PCED1B: variants seen among roughly 807,000 people sequenced by gnomAD.
PCED1B encodes PC-esterase domain-containing protein 1B.
For synonymous variants in PCED1B, 251 were observed against 246.1 expected (o/e 1.02, Z -0.19); for missense variants, 573 against 573.9 (o/e 1.00, Z 0.02).
At chr12:47,130,767 G>A (rs1940091276) in intron 2 of PCED1B, among the ~76,000 whole-genome samples, 1 of 152,110 alleles carries the variant, frequency 6.6e-6, no homozygotes, top group Admixed American at 6.5e-5. Flanking sequence ...GAAAAGAAGT[G>A]TGTGGTCAGT....
chr12:47,136,849 A>G (rs942881711), intron 2 of PCED1B, among the ~76,000 whole-genome samples: 1 of 152,252 alleles, frequency 6.6e-6, no homozygotes, highest in Non-Finnish European at 1.5e-5. Context: ...GTTCAAGAGA[A>G]GCATGATATA....
At chr12:47,207,265 T>C (rs1703507139) in intron 2 of PCED1B, among the ~76,000 whole-genome samples, 1 of 152,242 alleles carries the variant, frequency 6.6e-6, no homozygotes. Flanking sequence ...AACATATTGC[T>C]AGAATAATAT....
intron 2 of PCED1B, among the ~76,000 whole-genome samples, chr12:47,124,889 G>C (rs934021454): frequency 1.3e-5 from 2 of 151,880 alleles, no homozygotes; most frequent in Admixed American, 6.6e-5. Flanking sequence ...AGAGTTGTGG[G>C]AGTTCTTTAT....
At position 47,225,095 on chromosome 12, in the gene PCED1B, C is replaced by G. The variant is rs565413087; in HGVS notation, c.-58+8406C>G. ...TACAGGCACGTGCCACCATGCCCAG[C>G]TGATTTTTGTATTTTTGGTACAGAC... On this transcript the variant is annotated intron_variant, in intron 3 of 3. Coordinates refer to ENST00000546455, the MANE Select transcript of PCED1B (RefSeq NM_138371.3). 2.0e-5 allele frequency among the ~76,000 whole-genome samples: 3 copies of G among 152,220 alleles called. No homozygotes were observed. The South Asian group carries it at 6.2e-4, about 32-fold the overall frequency.
chr12:47,222,797 A>G lies in PCED1B; in HGVS notation c.-58+6108A>G, dbSNP rs562486194. 4.1e-4 allele frequency among the ~76,000 whole-genome samples: 62 copies of G among 152,284 alleles called. 1 individual carries two copies. The highest frequency in any genetic ancestry group is 1.5e-3 in the African/African-American group (61 of 41,560). ...GGATCAAACCCAGGGGGCCAACCCC[A>G]GAGCCCCTCCCTCTCAGCCAGTGTG... On this transcript the variant is annotated intron_variant, in intron 3 of 3. Transcript: ENST00000546455.
At chr12:47,229,702 G>T (rs1592323682) in intron 3 of PCED1B, among the ~76,000 whole-genome samples, 1 of 152,232 alleles carries the variant, frequency 6.6e-6, no homozygotes, top group East Asian at 1.9e-4. Context: ...TGTGGACTGT[G>T]GTTGTATGAC....
At chr12:47,188,643 T>C (rs1202319588) in intron 2 of PCED1B, among the ~76,000 whole-genome samples, 1 of 152,004 alleles carries the variant, frequency 6.6e-6, no homozygotes, top group Admixed American at 6.6e-5. Flanking sequence ...AGTAGCAGAG[T>C]CTTGCAGATG....
chr12:47,185,962 G>A (rs1942246405), intron 2 of PCED1B, among the ~76,000 whole-genome samples: 1 of 152,118 alleles, frequency 6.6e-6, no homozygotes, highest in South Asian at 2.1e-4. Flanking sequence ...GCTCACACCT[G>A]TAATCCCAGC....
At chr12:47,167,091 T>G (rs1001410443) in intron 2 of PCED1B, among the ~76,000 whole-genome samples, 1 of 152,176 alleles carries the variant, frequency 6.6e-6, no homozygotes, top group African/African-American at 2.4e-5. Context: ...CTTTCTCCAT[T>G]GATAAGAGTT....
At chr12:47,232,094 T>C (rs965235757) in intron 3 of PCED1B, among the ~76,000 whole-genome samples, 3 of 152,222 alleles carry the variant, frequency 2.0e-5, no homozygotes, top group Non-Finnish European at 4.4e-5. Flanking sequence ...GTGGAGCATA[T>C]AGTAGGCACT....
chr12:47,174,238 G>A (rs1217042515), intron 2 of PCED1B, among the ~76,000 whole-genome samples: 1 of 151,700 alleles, frequency 6.6e-6, no homozygotes, highest in Non-Finnish European at 1.5e-5. Context: ...GAGAAAACCT[G>A]GCTCTAGGAA....
chr12:47,197,303 T>C (rs1942635780), intron 2 of PCED1B, among the ~76,000 whole-genome samples: 1 of 149,730 alleles, frequency 6.7e-6, no homozygotes, highest in Non-Finnish European at 1.5e-5. Context: ...AAAAAAGTCA[T>C]TGCATATTAA....
intron 3 of PCED1B, among the ~76,000 whole-genome samples, chr12:47,217,458 AAAAGAAAGAAAGAGAAAGAAAG>A (rs1456381447): frequency 1.0e-5 from 1 of 100,080 alleles, no homozygotes; most frequent in Non-Finnish European, 1.8e-5. Context: ...GAAAGAAAGA[AAAAGAAAGAAAGAGAAAGAAAG>A]AAAGAAAGAA....
chr12:47,232,769 CTT>C (rs1424578800), intron 3 of PCED1B, among the ~76,000 whole-genome samples: 1 of 152,140 alleles, frequency 6.6e-6, no homozygotes, highest in Non-Finnish European at 1.5e-5. Flanking sequence ...AGAGAAAAAA[CTT>C]TTTCTCTACT....
intron 2 of PCED1B, among the ~76,000 whole-genome samples, chr12:47,144,269 G>A (rs963842488): frequency 6.6e-5 from 10 of 152,126 alleles, no homozygotes; most frequent in Non-Finnish European, 1.2e-4. Context: ...TCTGGATAGT[G>A]AGCCCACAGA....
chr12:47,114,753 G>A (rs1939346020), intron 2 of PCED1B, among the ~76,000 whole-genome samples: 2 of 152,208 alleles, frequency 1.3e-5, no homozygotes, highest in South Asian at 2.1e-4. Flanking sequence ...CAACGTACAG[G>A]CCTCAGAGTA....
At chr12:47,162,442 G>A (rs1287551479) in intron 2 of PCED1B, among the ~76,000 whole-genome samples, 1 of 152,104 alleles carries the variant, frequency 6.6e-6, no homozygotes, top group Non-Finnish European at 1.5e-5. Flanking sequence ...TCTGCAGTGT[G>A]TACAAGAAGT....
chr12:47,115,897 A>C (rs528103902), intron 2 of PCED1B, among the ~76,000 whole-genome samples: 4 of 152,202 alleles, frequency 2.6e-5, no homozygotes, highest in Non-Finnish European at 5.9e-5. Flanking sequence ...TATTGTATGG[A>C]TTGGTTTTTG....
At chr12:47,152,849 C>T (rs185852984) in intron 2 of PCED1B, among the ~76,000 whole-genome samples, 263 of 151,170 alleles carry the variant, frequency 1.7e-3, no homozygotes, top group African/African-American at 5.4e-3. Context: ...GCAGAAGAAT[C>T]GCTTGAACCT....
Sources: gnomAD v4.1 joint callset for allele counts (sites outside exome capture counted in the v4.1 genomes callset) on GRCh38, gnomAD v4.1.1 for gene constraint, MANE v1.5 for transcripts, NCBI Gene and HGNC (gene_info 2026-07-23, HGNC 2026-07-21) for gene names.